The following CFH variants were observed in gnomAD, a reference collection of about 807,000 sequenced individuals.
The protein encoded by CFH is H factor 1 (complement).
Under a neutral mutation model 147.3 loss-of-function variants are expected in CFH, and 53 were observed. The ratio of observed to expected loss-of-function variants is 0.36; its 90% CI spans 0.29 to 0.45. The LOEUF (loss-of-function observed/expected upper bound fraction) is 0.45, where lower values mean the gene tolerates loss of function less well. CFH is among the 20% of genes least tolerant of loss of function. The pLI, the probability that CFH is intolerant of heterozygous loss-of-function variation, is 1.00. For missense variants in CFH, 1,380 were observed against 1,498.0 expected (o/e 0.92, Z 1.30); for synonymous variants, 536 against 489.4 (o/e 1.10, Z -1.26).
chr1:196,714,657 A>ATGTATATATATGTG (rs1380393245), intron 10 of CFH, among the ~76,000 whole-genome samples: 1 of 56,528 alleles, frequency 1.8e-5, no homozygotes, highest in African/African-American at 6.4e-5. Flanking sequence ...ATATATATAT[A>ATGTATATATATGTG]TATATATATA....
chr1:196,679,690 G>A lies in CFH; in HGVS notation c.687G>A (p.Glu229=). The change falls in exon 6 of 22, where the codon GAG becomes GAA. Residue 229 remains glutamate, a synonymous_variant. Coordinates refer to ENST00000367429, the MANE Select transcript of CFH (RefSeq NM_000186.4). ...SPISQKIIYK[E]NERFQYKCNM... ...TATCTCAGAAGATTATTTATAAGGA[G>A]AATGAACGATTTCAATATAAATGTA... is the stretch of plus-strand genomic sequence containing the variant. 2 of 1,608,688 alleles carry A rather than the reference G, an allele frequency of 1.2e-6. No homozygotes were observed. The highest frequency in any genetic ancestry group is 1.7e-6 in the Non-Finnish European group (2 of 1,175,906).
intron 6 of CFH, 31 bp downstream of exon 6, chr1:196,679,824 T>C (rs753562040): frequency 6.4e-7 from 1 of 1,573,628 alleles, no homozygotes; most frequent in East Asian, 2.3e-5. Context: ...TGGATCTTTA[T>C]AAATTTATCA....
chr1:196,688,910 C>G (rs914916190), intron 7 of CFH, among the ~76,000 whole-genome samples: 58 of 152,136 alleles, frequency 3.8e-4, no homozygotes, highest in African/African-American at 1.4e-3. Context: ...TGCGCCCAGC[C>G]CATGAATTCA....
intron 4 of CFH, among the ~76,000 whole-genome samples, chr1:196,676,287 A>G (rs1053961644): frequency 2.0e-5 from 3 of 152,158 alleles, no homozygotes; most frequent in Non-Finnish European, 2.9e-5. Flanking sequence ...TTGAAGTATT[A>G]GACATTAAGG....
intron 1 of CFH, among the ~76,000 whole-genome samples, chr1:196,660,331 C>G (rs1045657898): frequency 1.3e-5 from 2 of 152,054 alleles, no homozygotes; most frequent in African/African-American, 4.8e-5. Context: ...TGATGAGATC[C>G]GAGAAAGTGG....
At chr1:196,661,743 C>CT (rs1666913042) in intron 1 of CFH, among the ~76,000 whole-genome samples, 1 of 152,164 alleles carries the variant, frequency 6.6e-6, no homozygotes, top group Non-Finnish European at 1.5e-5. Flanking sequence ...GCCTTCTTAA[C>CT]TTACTAAAGT....
chr1:196,692,805 TC>T (rs1336349585), intron 9 of CFH, among the ~76,000 whole-genome samples: 3,835 of 91,786 alleles, frequency 0.042, 296 homozygotes, highest in East Asian at 0.089. Flanking sequence ...TTTCTTTCTT[TC>T]TTTCTTTCTT....
chr1:196,652,261 T>C, intron 1 of CFH, 86 bp downstream of exon 1: 1 of 1,087,838 alleles, frequency 9.2e-7, no homozygotes, highest in South Asian at 1.3e-5. Context: ...AAAAATTTGA[T>C]TTAGAAAATG....
At chr1:196,714,627 GTATATATGTATATA>G (rs1668805108) in intron 10 of CFH, among the ~76,000 whole-genome samples, 1 of 28,554 alleles carries the variant, frequency 3.5e-5, no homozygotes, top group African/African-American at 1.7e-4. Flanking sequence ...GTGTGTATAC[GTATATATGTATATA>G]TATATATATA....
chr1:196,685,182 G>C lies in CFH; in HGVS notation c.909G>C (p.Arg303=), dbSNP rs370797361. ...QCRNGFYPAT[R]GNTAKCTSTG... Reference sequence around the variant, plus strand: ...GAAATGGTTTTTATCCTGCAACCCGGGGAAATACAGCAAAATGCACAAGTA... The same window carrying C: ...GAAATGGTTTTTATCCTGCAACCCGCGGAAATACAGCAAAATGCACAAGTA... The change falls in exon 7 of 22, where the codon CGG becomes CGC. Residue 303 remains arginine (R), a synonymous_variant. Coordinates refer to ENST00000367429, the MANE Select transcript of CFH (RefSeq NM_000186.4). 6.2e-7 allele frequency: 1 copy of C among 1,612,828 alleles called. No individual in the cohort carries two copies. The highest frequency in any genetic ancestry group is 1.3e-5 in the African/African-American group (1 of 74,750).
chr1:196,723,230 C>A (rs1669044458), intron 11 of CFH, among the ~76,000 whole-genome samples: 1 of 152,102 alleles, frequency 6.6e-6, no homozygotes, highest in Non-Finnish European at 1.5e-5. Context: ...CAGTTTCCAA[C>A]AGACAGGATT....
intron 9 of CFH, among the ~76,000 whole-genome samples, chr1:196,708,155 C>T (rs987133379): frequency 2.0e-5 from 3 of 152,180 alleles, no homozygotes; most frequent in African/African-American, 7.2e-5. Flanking sequence ...CCTAGACAGG[C>T]ATAGCAACAC....
At chr1:196,653,870 A>G (rs988014141) in intron 1 of CFH, among the ~76,000 whole-genome samples, 1 of 152,120 alleles carries the variant, frequency 6.6e-6, no homozygotes, top group Non-Finnish European at 1.5e-5. Flanking sequence ...ATAAAGCACA[A>G]CTTTGTATTT....
chr1:196,713,048 G>T (rs898595895), intron 9 of CFH, among the ~76,000 whole-genome samples: 1 of 151,854 alleles, frequency 6.6e-6, no homozygotes, highest in African/African-American at 2.4e-5. Flanking sequence ...CCAAGTCTTT[G>T]CTATTGTGAA....
chr1:196,727,833 G>A (rs569385406), intron 14 of CFH, among the ~76,000 whole-genome samples: 81 of 152,270 alleles, frequency 5.3e-4, no homozygotes, highest in Admixed American at 8.5e-4. Flanking sequence ...GAGTCAGGAC[G>A]TAAATCTCAT....
chr1:196,687,790 A>G (rs1667878015), intron 7 of CFH, among the ~76,000 whole-genome samples: 1 of 152,108 alleles, frequency 6.6e-6, no homozygotes, highest in Non-Finnish European at 1.5e-5. Flanking sequence ...ACTTAAAAGA[A>G]ATAAGACTAA....
chr1:196,674,931 C>T (rs1223638560), intron 3 of CFH, among the ~76,000 whole-genome samples: 1 of 152,080 alleles, frequency 6.6e-6, no homozygotes, highest in Non-Finnish European at 1.5e-5. Flanking sequence ...ATAGTAGATA[C>T]CAAATAAGTA....
chr1:196,713,650 A>AT (rs772708678), intron 9 of CFH, 85 bp from the exon 10 acceptor site: 18 of 903,874 alleles, frequency 2.0e-5, no homozygotes, highest in South Asian at 1.9e-4. Context: ...ATGACTCATT[A>AT]TTTTTTATAT....
chr1:196,692,601 T>TCA, intron 9 of CFH, among the ~76,000 whole-genome samples: 1 of 20,002 alleles, frequency 5.0e-5, no homozygotes, highest in East Asian at 0.033. Flanking sequence ...TTCTCTTCCT[T>TCA]CTTTCTTTTT....
Sources: gnomAD v4.1 joint callset for allele counts (sites outside exome capture counted in the v4.1 genomes callset) on GRCh38, gnomAD v4.1.1 for gene constraint, MANE v1.5 for transcripts, NCBI Gene and HGNC (gene_info 2026-07-23, HGNC 2026-07-21) for gene names.